PIEZO2: variants seen among roughly 807,000 people sequenced by gnomAD.
The protein encoded by PIEZO2 is piezo-type mechanosensitive ion channel component 2.
PIEZO2 carries 172 observed loss-of-function variants against 337.3 expected under a neutral mutation model. That is an observed-to-expected ratio of 0.51 (90% CI 0.45 to 0.58). The LOEUF (loss-of-function observed/expected upper bound fraction) is 0.58, where lower values mean the gene tolerates loss of function less well. Ranked by LOEUF, PIEZO2 falls within the 20% of genes least tolerant of loss-of-function variation. The probability of loss-of-function intolerance (pLI) is 0.00; values close to 1 mark genes in which losing one functional copy is unlikely to be tolerated. For missense variants in PIEZO2, 3,028 were observed against 3,391.3 expected, an observed-to-expected ratio of 0.89 and a Z score of 2.66; for synonymous variants, 1,251 against 1,228.5, an observed-to-expected ratio of 1.02 and a Z score of -0.38.
At position 10,784,648 on chromosome 18, in the gene PIEZO2, C is replaced by T; in HGVS notation, c.2492+136G>A. 3.7e-6 allele frequency: 3 copies of T among 813,994 alleles called. No homozygotes were observed. Among genetic ancestry groups the T allele is most frequent in the African/African-American group, 3.4e-5 (2 of 58,190 alleles). The allele number at this position is 813,994 out of a possible 1,614,324, so 50.4% of individuals were successfully genotyped here. A position where few individuals can be genotyped will look rare whatever the true frequency, so the allele number is the denominator to read the frequency against. ...CTTCCACATGTTTTCCTCTTTTTCT[C>T]ACAAGCTGATACTCATGGAAAATTC... On this transcript the variant is annotated intron_variant, in intron 17 of 55. Transcript: ENST00000674853. This position sits in a 1 kb window ranked among gnomAD's most constrained non-coding sequence, Gnocchi z 4.5.
intron 30 of PIEZO2, among the ~76,000 whole-genome samples, chr18:10,744,855 A>G (rs1052259938): frequency 6.6e-6 from 1 of 152,144 alleles, no homozygotes; most frequent in African/African-American, 2.4e-5. Flanking sequence ...CATGCTTCAC[A>G]AATCCCAAAT....
In PIEZO2 at chr18:10,862,017, CA is replaced by C. The variant is rs11341776; in HGVS notation, c.493-4807del. On this transcript the variant is annotated intron_variant, in intron 5 of 55. Coordinates refer to ENST00000674853, the MANE Select transcript of PIEZO2 (RefSeq NM_001378183.1). The surrounding 1 kb of genome is among the most constrained non-coding windows in gnomAD (Gnocchi z 4.4). ...TAGGTGACAGAATGAGACTCAATCT[CA>C]AAAAAAAAATTAATAAATAAAACAA... Among the ~76,000 whole-genome samples, 11,411 of 145,776 alleles carry C rather than the reference CA, an allele frequency of 0.078. 1,423 individuals carry two copies. The highest frequency in any genetic ancestry group is 0.26 in the African/African-American group (10,602 of 40,134).
chr18:11,121,905 T>A (rs1233914267), intron 1 of PIEZO2, among the ~76,000 whole-genome samples: 1 of 152,250 alleles, frequency 6.6e-6, no homozygotes, highest in South Asian at 2.1e-4. Context: ...ATTCTACTTA[T>A]AAGCTTCATT....
chr18:11,082,494 T>G (rs1481520067), intron 1 of PIEZO2, among the ~76,000 whole-genome samples: 1 of 152,178 alleles, frequency 6.6e-6, no homozygotes, highest in Admixed American at 6.5e-5. Context: ...ATTTTTTGTA[T>G]TTTTAGTAGA....
rs116221503 is a variant in PIEZO2 at position 11,007,696 on chromosome 18, A to G, written c.161-28036T>C. On this transcript the variant is annotated intron_variant, in intron 2 of 55. Coordinates refer to ENST00000674853, the MANE Select transcript of PIEZO2 (RefSeq NM_001378183.1). ...AAAATCATCGAAAACAATGGAAACC[A>G]GAAGATGTTGGAACGACAGGTAAGA... Among the ~76,000 whole-genome samples, 129 of 152,346 alleles carry G rather than the reference A, an allele frequency of 8.5e-4. 1 individual carries two copies. Among genetic ancestry groups the G allele is most frequent in the African/African-American group, 3.0e-3 (123 of 41,586 alleles).
At chr18:10,749,373 G>A (rs988570577) in intron 29 of PIEZO2, among the ~76,000 whole-genome samples, 5 of 152,150 alleles carry the variant, frequency 3.3e-5, no homozygotes, top group African/African-American at 1.2e-4. Context: ...AGAAGTGGGA[G>A]GATTGCTGGA....
In PIEZO2 at chr18:11,035,788, A is replaced by C. The variant is rs540170470; in HGVS notation, c.160+30339T>G. On this transcript the variant is annotated intron_variant, in intron 2 of 55. Transcript: ENST00000674853. The surrounding 1 kb of genome is among the most constrained non-coding windows in gnomAD (Gnocchi z 4.3). ...TAAACAGGTGCAGCACATATTTGTA[A>C]ATAAGCCAACTCCTAAAATAATATG... 8.5e-5 allele frequency among the ~76,000 whole-genome samples: 13 copies of C among 152,322 alleles called. No homozygotes were observed. Among genetic ancestry groups the C allele is most frequent in the Admixed American group, 1.3e-4 (2 of 15,298 alleles).
intron 36 of PIEZO2, among the ~76,000 whole-genome samples, chr18:10,725,665 G>A (rs1489975114): frequency 6.6e-6 from 1 of 152,196 alleles, no homozygotes; most frequent in Non-Finnish European, 1.5e-5. Context: ...CTCTGGGCTC[G>A]CCTTCATCTC....
chr18:10,896,060 C>CAAAA (rs11414260), intron 4 of PIEZO2, among the ~76,000 whole-genome samples: 6 of 119,460 alleles, frequency 5.0e-5, no homozygotes, highest in Admixed American at 3.5e-4. Context: ...AATTTCATCT[C>CAAAA]AAAAAAAAAA....
chr18:10,712,199 C>T (rs1369141331), intron 39 of PIEZO2, among the ~76,000 whole-genome samples: 2 of 152,222 alleles, frequency 1.3e-5, no homozygotes, highest in Non-Finnish European at 2.9e-5. Flanking sequence ...CGAGTGCTCA[C>T]CACATTCAGA....
chr18:10,996,026 T>G (rs1555690070), intron 2 of PIEZO2, among the ~76,000 whole-genome samples: 1 of 152,020 alleles, frequency 6.6e-6, no homozygotes, highest in Non-Finnish European at 1.5e-5. Context: ...TGTATTCATA[T>G]TTTTCTACAT....
chr18:10,864,432 G>A (rs1007399542), intron 5 of PIEZO2, among the ~76,000 whole-genome samples: 5 of 152,152 alleles, frequency 3.3e-5, no homozygotes, highest in Admixed American at 3.3e-4. Context: ...AGAAAAAAGA[G>A]ATTACGTCTG....
intron 1 of PIEZO2, among the ~76,000 whole-genome samples, chr18:11,122,034 AG>A (rs1338333481): frequency 2.6e-5 from 4 of 152,034 alleles, no homozygotes; most frequent in African/African-American, 9.7e-5. Context: ...GCTCACTGCA[AG>A]CTCCGCCTCC....
intron 18 of PIEZO2, 130 bp downstream of exon 18, chr18:10,780,195 C>A (rs1227138445): frequency 3.1e-6 from 2 of 649,458 alleles, no homozygotes; most frequent in African/African-American, 3.6e-5. Flanking sequence ...CAAAATACAT[C>A]CATGAGCATA....
intron 3 of PIEZO2, among the ~76,000 whole-genome samples, chr18:10,934,340 C>T (rs1052109124): frequency 2.0e-5 from 3 of 152,168 alleles, no homozygotes; most frequent in Admixed American, 6.5e-5. Flanking sequence ...CCCTGCAAGT[C>T]ATCACCAGGC....
chr18:11,028,675 G>A lies in PIEZO2; in HGVS notation c.160+37452C>T, dbSNP rs547083314. On this transcript the variant is annotated intron_variant, in intron 2 of 55. Coordinates refer to ENST00000674853, the MANE Select transcript of PIEZO2 (RefSeq NM_001378183.1). The surrounding 1 kb of genome is among the most constrained non-coding windows in gnomAD (Gnocchi z 4.8). ...GACAGTAAAACTGTGCAGTATTAGG[G>A]ATATATGTTTCCTTAGATAGATCCT... Among the ~76,000 whole-genome samples the A allele has an allele frequency of 3.9e-5, 6 of 152,316 alleles. No individual in the cohort carries two copies. In the East Asian group the frequency reaches 7.7e-4, roughly 20 times the overall value.
rs2036525563 is a variant in PIEZO2, at chr18:10,726,132, T to C, written c.5029+5275A>G. On this transcript the variant is annotated intron_variant, in intron 36 of 55. Transcript: ENST00000674853. This position sits in a 1 kb window ranked among gnomAD's most constrained non-coding sequence, Gnocchi z 5.9. ...GTGCACGTGTGTGGGTGCGTGGGTG[T>C]AGGGTGGTGGGGGGATGGGTGGGAG... Among the ~76,000 whole-genome samples the C allele has an allele frequency of 1.3e-5, 2 of 151,700 alleles. No individual in the cohort carries two copies. The highest frequency in any genetic ancestry group is 1.5e-5 in the Non-Finnish European group (1 of 67,890).
At position 11,126,793 on chromosome 18, in the gene PIEZO2, T is replaced by A. The variant is rs1598999832; in HGVS notation, c.64+21732A>T. Among the ~76,000 whole-genome samples the A allele has an allele frequency of 2.6e-4, 1 of 3,856 alleles. No homozygotes were observed. Among genetic ancestry groups the A allele is most frequent in the African/African-American group, 2.4e-3 (1 of 420 alleles). 2.5% of individuals were successfully genotyped at this position (3,856 alleles called of 152,430 possible). ...CACAGTACCTTAAGTACATTACTAT[T>A]TTTTTTTTAAAGCCCCAGTGACCCT... On this transcript the variant is annotated intron_variant, in intron 1 of 55. Coordinates refer to ENST00000674853, the MANE Select transcript of PIEZO2 (RefSeq NM_001378183.1). This position sits in a 1 kb window ranked among gnomAD's most constrained non-coding sequence, Gnocchi z 4.6.
rs1306362180 is a variant in PIEZO2, at chr18:11,149,165, T to C, written c.-577A>G. On this transcript the variant is annotated 5_prime_UTR_variant, in exon 1 of 56. Transcript: ENST00000674853. The surrounding 1 kb of genome is among the most constrained non-coding windows in gnomAD (Gnocchi z 8.7). ...TCGGAGCTGCCCGGCGGGCTCCGGG[T>C]CTCGCCCTCCAGCCCCCAGGCGGCC... Among the ~76,000 whole-genome samples, 1 of 151,778 alleles carries C rather than the reference T, an allele frequency of 6.6e-6. No homozygotes were observed. The highest frequency in any genetic ancestry group is 1.5e-5 in the Non-Finnish European group (1 of 67,906).
Sources: allele counts gnomAD v4.1 joint callset (sites outside exome capture counted in the v4.1 genomes callset), GRCh38; gene constraint gnomAD v4.1.1; non-coding constraint Gnocchi (gnomAD v3.1); transcripts MANE v1.5; gene names NCBI Gene and HGNC (gene_info 2026-07-23, HGNC 2026-07-21).